The following MARK3 variants were observed in gnomAD, a reference collection of about 807,000 sequenced individuals.
The protein encoded by MARK3 is MAP/microtubule affinity-regulating kinase 3.
A neutral mutation model predicts 90.1 loss-of-function variants in MARK3; 46 were observed. The observed-to-expected ratio is 0.51, with a 90% confidence interval of 0.40 to 0.65. MARK3 has a LOEUF of 0.65. Ranked by LOEUF, MARK3 falls within the 30% of genes least tolerant of loss-of-function variation. The pLI is 0.00. For synonymous variants in MARK3, 321 were observed against 332.6 expected, an observed-to-expected ratio of 0.97 and a Z score of 0.38; for missense variants, 818 against 947.2, an observed-to-expected ratio of 0.86 and a Z score of 1.79.
chr14:103,389,528 C>CAAAAAAAAAAAAAAAAAAAAAAAA (rs67737305), intron 1 of MARK3, among the ~76,000 whole-genome samples: 1 of 49,854 alleles, frequency 2.0e-5, no homozygotes, highest in African/African-American at 8.3e-5. Context: ...ACTCTGTCTC[C>CAAAAAAAAAAAAAAAAAAAAAAAA]AAAAAAAAAA....
Position 103,467,083 on chromosome 14 carries a change from T to C in MARK3, c.1002T>C (p.Ile334=), listed in dbSNP as rs1181102504. 1 of 1,450,262 alleles carries C rather than the reference T, an allele frequency of 6.9e-7. No individual in the cohort carries two copies. The highest frequency in any genetic ancestry group is 2.3e-5 in the East Asian group (1 of 43,856). 89.8% of individuals were successfully genotyped at this position (1,450,262 alleles called of 1,614,324 possible). ...LDISDQKRID[I]MVGMGYSQEE... is the part of the protein sequence containing the mutation. ...TGTATTATGCCCTTCTTTTAGATAT[T>C]ATGGTGGGAATGGGATATTCACAAG... The change falls in exon 11 of 18, where the codon ATT becomes ATC. Residue 334 remains isoleucine (I), a synonymous_variant. Transcript: ENST00000429436.
chr14:103,428,607 TTATCTTTGG>T (rs1312084117), intron 3 of MARK3, among the ~76,000 whole-genome samples, 167 bp downstream of exon 3: 2 of 152,212 alleles, frequency 1.3e-5, no homozygotes, highest in Non-Finnish European at 2.9e-5. Context: ...AATTGTTGGG[TTATCTTTGG>T]TCGGAGATTA....
chr14:103,467,930 A>G, intron 11 of MARK3, 103 bp from the exon 12 acceptor site: 2 of 1,139,928 alleles, frequency 1.8e-6, no homozygotes, highest in South Asian at 3.5e-5. Context: ...CTCTCTCTGA[A>G]TGAACGGTTT....
chr14:103,428,740 G>C (rs563943215), intron 3 of MARK3, among the ~76,000 whole-genome samples: 1 of 152,006 alleles, frequency 6.6e-6, no homozygotes, highest in South Asian at 2.1e-4. Context: ...ATATTGACTA[G>C]AGTTTTTTTA....
intron 5 of MARK3, among the ~76,000 whole-genome samples, chr14:103,452,495 G>A (rs1448472189): frequency 1.9e-4 from 11 of 56,806 alleles, no homozygotes; most frequent in East Asian, 5.1e-4. Flanking sequence ...TTTTTGAGAC[G>A]GAGTCTCGCT....
At chr14:103,402,546 C>CAA (rs11445712) in intron 1 of MARK3, among the ~76,000 whole-genome samples, 41,807 of 146,428 alleles carry the variant, frequency 0.29, 6,898 homozygotes, top group Non-Finnish European at 0.36. Context: ...GACTCCATCT[C>CAA]AAAAAAAAAA....
chr14:103,401,549 G>A (rs535328237), intron 1 of MARK3, among the ~76,000 whole-genome samples: 15 of 152,280 alleles, frequency 9.9e-5, no homozygotes, highest in South Asian at 4.1e-4. Flanking sequence ...GTCCGTTTTA[G>A]GGCAGTGCTT....
intron 2 of MARK3, among the ~76,000 whole-genome samples, chr14:103,408,169 C>T (rs1390891004): frequency 6.6e-6 from 1 of 152,024 alleles, no homozygotes; most frequent in Non-Finnish European, 1.5e-5. Flanking sequence ...TAAATGAATG[C>T]AATAATACTG....
intron 13 of MARK3, 150 bp from the exon 14 acceptor site, chr14:103,480,237 T>A (rs192295258): frequency 3.9e-6 from 2 of 517,388 alleles, no homozygotes; most frequent in Non-Finnish European, 6.9e-6. Flanking sequence ...ATTGCTCCAC[T>A]GCACTCCAGC....
At chr14:103,439,440 G>A (rs757456285) in intron 3 of MARK3, among the ~76,000 whole-genome samples, 2 of 151,892 alleles carry the variant, frequency 1.3e-5, no homozygotes, top group South Asian at 2.1e-4. Context: ...ACTGAGTCTC[G>A]CACTGTCTCC....
intron 15 of MARK3, among the ~76,000 whole-genome samples, chr14:103,496,260 A>T (rs760767097): frequency 6.9e-4 from 105 of 152,202 alleles, no homozygotes; most frequent in Non-Finnish European, 1.2e-3. Flanking sequence ...ATAGTAATTG[A>T]CCAGTAACCC....
intron 2 of MARK3, among the ~76,000 whole-genome samples, chr14:103,423,046 G>A (rs778322679): frequency 2.6e-5 from 4 of 151,940 alleles, no homozygotes; most frequent in Non-Finnish European, 4.4e-5. Context: ...GGGAGAGGGT[G>A]GCCATCTGCA....
chr14:103,387,810 G>C (rs945569461), intron 1 of MARK3, among the ~76,000 whole-genome samples: 2 of 152,058 alleles, frequency 1.3e-5, no homozygotes, highest in African/African-American at 4.8e-5. Flanking sequence ...TTTGATCATT[G>C]ATCTTCACTC....
chr14:103,475,341 T>G (rs928899297), intron 13 of MARK3, 131 bp downstream of exon 13: 9 of 676,308 alleles, frequency 1.3e-5, no homozygotes, highest in Non-Finnish European at 1.8e-5. Context: ...ATGCCCAATC[T>G]TAACTTACAG....
intron 3 of MARK3, among the ~76,000 whole-genome samples, chr14:103,438,231 G>A (rs778871916): frequency 5.9e-5 from 9 of 152,016 alleles, no homozygotes; most frequent in East Asian, 5.8e-4. Context: ...TGGAACTCCC[G>A]ACCTCAGGTG....
intron 1 of MARK3, among the ~76,000 whole-genome samples, chr14:103,386,591 T>C (rs560015906): frequency 1.3e-5 from 2 of 152,364 alleles, no homozygotes; most frequent in African/African-American, 2.4e-5. Context: ...AAGTGTCCAC[T>C]GAGGGATCTT....
At chr14:103,418,263 T>A (rs2092045410) in intron 2 of MARK3, among the ~76,000 whole-genome samples, 1 of 151,364 alleles carries the variant, frequency 6.6e-6, no homozygotes, top group Non-Finnish European at 1.5e-5. Context: ...TAAAGTAGAT[T>A]TTTGTTCCCT....
At chr14:103,483,041 T>C (rs3783398) in intron 14 of MARK3, among the ~76,000 whole-genome samples, 43,501 of 152,044 alleles carry the variant, frequency 0.29, 7,307 homozygotes, top group Non-Finnish European at 0.36. Flanking sequence ...GACTGGAAAA[T>C]TATTGGGTTT....
chr14:103,393,247 A>G (rs2090376366), intron 1 of MARK3, among the ~76,000 whole-genome samples: 1 of 152,130 alleles, frequency 6.6e-6, no homozygotes, highest in South Asian at 2.1e-4. Flanking sequence ...TCGGCCTCCC[A>G]AAGTGCTGGA....
Sources: gnomAD v4.1 joint callset for allele counts (sites outside exome capture counted in the v4.1 genomes callset) on GRCh38, gnomAD v4.1.1 for gene constraint, MANE v1.5 for transcripts, NCBI Gene and HGNC (gene_info 2026-07-23, HGNC 2026-07-21) for gene names.